The following PTPRD variants were observed in gnomAD, a reference collection of about 807,000 sequenced individuals.
PTPRD encodes receptor-type tyrosine-protein phosphatase delta.
Under a neutral mutation model 214.5 loss-of-function variants are expected in PTPRD, and 34 were observed. The ratio of observed to expected loss-of-function variants is 0.16; its 90% CI spans 0.12 to 0.21. The LOEUF (loss-of-function observed/expected upper bound fraction) is 0.21. PTPRD is among the 10% of genes least tolerant of loss of function. PTPRD has a pLI of 1.00. For missense variants in PTPRD, 2,545 were observed against 2,398.7 expected, an observed-to-expected ratio of 1.06 and a Z score of -1.27; for synonymous variants, 1,128 against 845.7, an observed-to-expected ratio of 1.33 and a Z score of -5.79.
chr9:9,016,683 G>A (rs956122718), intron 11 of PTPRD, among the ~76,000 whole-genome samples: 1 of 152,110 alleles, frequency 6.6e-6, no homozygotes, highest in Non-Finnish European at 1.5e-5. Context: ...AAATGATAAT[G>A]TTGAATCACA....
At chr9:9,508,208 T>C (rs375886467) in intron 8 of PTPRD, among the ~76,000 whole-genome samples, 7 of 151,642 alleles carry the variant, frequency 4.6e-5, no homozygotes, top group African/African-American at 1.7e-4. Flanking sequence ...TTTGTAAAGA[T>C]AATTTTTAAA....
chr9:8,875,004 G>T (rs1019913394), intron 11 of PTPRD, among the ~76,000 whole-genome samples: 1 of 152,114 alleles, frequency 6.6e-6, no homozygotes, highest in Non-Finnish European at 1.5e-5. Flanking sequence ...CAAAAATATA[G>T]GGCTGTGCTC....
At chr9:9,198,250 A>G (rs1402992977) in intron 9 of PTPRD, among the ~76,000 whole-genome samples, 1 of 152,138 alleles carries the variant, frequency 6.6e-6, no homozygotes, top group Non-Finnish European at 1.5e-5. Context: ...TAGGCTATAA[A>G]CACACACGTG....
intron 12 of PTPRD, among the ~76,000 whole-genome samples, chr9:8,637,611 AAACT>A (rs1160330428): frequency 6.6e-6 from 1 of 152,238 alleles, no homozygotes; most frequent in East Asian, 1.9e-4. Context: ...CTTCTTTAAA[AAACT>A]TACTTATTTT....
intron 3 of PTPRD, among the ~76,000 whole-genome samples, chr9:10,095,802 A>G (rs892282430): frequency 2.6e-5 from 4 of 151,594 alleles, no homozygotes; most frequent in Non-Finnish European, 5.9e-5. Context: ...ACATGTATAC[A>G]TAATAGTTTG....
intron 10 of PTPRD, among the ~76,000 whole-genome samples, chr9:9,137,589 T>C (rs1298047744): frequency 6.6e-6 from 1 of 152,178 alleles, no homozygotes. Flanking sequence ...ATGGATGAAC[T>C]TCTTTATGAA....
At chr9:10,232,816 C>A (rs1479344589) in intron 3 of PTPRD, among the ~76,000 whole-genome samples, 1 of 152,118 alleles carries the variant, frequency 6.6e-6, no homozygotes, top group East Asian at 1.9e-4. Context: ...ACTCAACTCA[C>A]ACAAAACAGG....
chr9:9,919,953 C>CGTAT (rs1325824936), intron 5 of PTPRD, among the ~76,000 whole-genome samples: 1 of 152,072 alleles, frequency 6.6e-6, no homozygotes, highest in East Asian at 1.9e-4. Context: ...AACACCTATA[C>CGTAT]GCTTTTCTGT....
chr9:9,272,043 A>G (rs1281310881), intron 9 of PTPRD, among the ~76,000 whole-genome samples: 7 of 151,224 alleles, frequency 4.6e-5, no homozygotes, highest in South Asian at 2.1e-4. Flanking sequence ...GGAGTTTTTT[A>G]AAGTCAAAAC....
intron 7 of PTPRD, among the ~76,000 whole-genome samples, chr9:9,682,425 G>A (rs1230144515): frequency 6.6e-6 from 1 of 151,716 alleles, no homozygotes; most frequent in Non-Finnish European, 1.5e-5. Context: ...TCTGGCTCTG[G>A]GTTTCAGAGA....
intron 3 of PTPRD, among the ~76,000 whole-genome samples, chr9:10,042,298 G>C (rs10958842): frequency 0.2 from 30,285 of 151,902 alleles, 3,523 homozygotes; most frequent in East Asian, 0.47. Flanking sequence ...TCAGCAAAAA[G>C]AGGCATGCGG....
chr9:9,223,481 A>G (rs143663376), intron 9 of PTPRD, among the ~76,000 whole-genome samples: 149 of 152,156 alleles, frequency 9.8e-4, no homozygotes, highest in African/African-American at 3.5e-3. Context: ...TTCATGATTC[A>G]ATCAGAATGC....
At chr9:9,483,646 A>C (rs148096848) in intron 8 of PTPRD, among the ~76,000 whole-genome samples, 3 of 152,110 alleles carry the variant, frequency 2.0e-5, no homozygotes, top group Non-Finnish European at 4.4e-5. Flanking sequence ...TAGAATCCTC[A>C]CTAGGTAGCA....
At chr9:8,608,492 G>T (rs1263317746) in intron 14 of PTPRD, among the ~76,000 whole-genome samples, 2 of 152,108 alleles carry the variant, frequency 1.3e-5, no homozygotes, top group Non-Finnish European at 2.9e-5. Flanking sequence ...CAAATCTAAA[G>T]CAACTGGTAT....
chr9:9,020,147 A>G (rs1569435119), intron 10 of PTPRD, among the ~76,000 whole-genome samples: 1 of 152,206 alleles, frequency 6.6e-6, no homozygotes, highest in Non-Finnish European at 1.5e-5. Flanking sequence ...AAAGGCATAT[A>G]CATGTGTCTA....
chr9:9,922,578 T>C (rs961539259), intron 5 of PTPRD, among the ~76,000 whole-genome samples: 6 of 151,798 alleles, frequency 4.0e-5, no homozygotes, highest in African/African-American at 9.7e-5. Context: ...ATGTCTATAA[T>C]CAAAGAACAG....
chr9:8,808,166 C>A (rs1052366370), intron 11 of PTPRD, among the ~76,000 whole-genome samples: 1 of 152,086 alleles, frequency 6.6e-6, no homozygotes, highest in Non-Finnish European at 1.5e-5. Flanking sequence ...ACATGTCTAA[C>A]CGATTTAGGA....
chr9:9,149,339 T>C (rs973956480), intron 10 of PTPRD, among the ~76,000 whole-genome samples: 2 of 152,244 alleles, frequency 1.3e-5, no homozygotes, highest in Non-Finnish European at 2.9e-5. Context: ...TTATTTATCA[T>C]ATATTTGCAA....
chr9:9,535,217 T>C (rs16929658), intron 8 of PTPRD, among the ~76,000 whole-genome samples: 27,770 of 152,064 alleles, frequency 0.18, 2,763 homozygotes, highest in Middle Eastern at 0.22. Context: ...AAACACATAC[T>C]GATTCATTTT....
Sources: allele counts gnomAD v4.1 joint callset (sites outside exome capture counted in the v4.1 genomes callset), GRCh38; gene constraint gnomAD v4.1.1; transcripts MANE v1.5; gene names NCBI Gene and HGNC (gene_info 2026-07-23, HGNC 2026-07-21).